PHF19: variants seen among roughly 807,000 people sequenced by gnomAD.
The protein encoded by PHF19 is PHD finger protein 19, also known as polycomb like 3.
In PHF19, 21 loss-of-function variants were observed where a neutral mutation model predicts 79.8. That is an observed-to-expected ratio of 0.26 (90% CI 0.19 to 0.38). PHF19 has a LOEUF of 0.38. PHF19 is among the 10% of genes least tolerant of loss of function. The probability of loss-of-function intolerance (pLI) is 1.00; values close to 1 mark genes in which losing one functional copy is unlikely to be tolerated. For missense variants in PHF19, 445 were observed against 744.2 expected, an observed-to-expected ratio of 0.60 and a Z score of 4.68; for synonymous variants, 273 against 296.3, an observed-to-expected ratio of 0.92 and a Z score of 0.81.
At chr9:120,892,977 A>C (rs1344382961) in intron 1 of PHF19, among the ~76,000 whole-genome samples, 1 of 152,168 alleles carries the variant, frequency 6.6e-6, no homozygotes, top group Non-Finnish European at 1.5e-5. Flanking sequence ...TTTCCTAGCG[A>C]CTGGGACCTT....
chr9:120,871,898 C>T (rs1359944218), intron 3 of PHF19, among the ~76,000 whole-genome samples: 1 of 151,624 alleles, frequency 6.6e-6, no homozygotes, highest in African/African-American at 2.4e-5. Context: ...ATTAGCTAGG[C>T]GTGGTGGCAC....
chr9:120,861,836 G>T (rs934630753), intron 12 of PHF19, 82 bp downstream of exon 12: 6 of 937,068 alleles, frequency 6.4e-6, no homozygotes, highest in Admixed American at 5.1e-5. Context: ...TGGGCCTGGG[G>T]GACTTAGTTT....
intron 1 of PHF19, among the ~76,000 whole-genome samples, chr9:120,884,548 C>A (rs1262619486): frequency 2.0e-5 from 3 of 152,166 alleles, no homozygotes; most frequent in African/African-American, 7.2e-5. Context: ...ACAACAGGGT[C>A]ATTTGTATGA....
chr9:120,879,711 GA>G (rs1287631680), upstream of PHF19, among the ~76,000 whole-genome samples: 17 of 152,212 alleles, frequency 1.1e-4, no homozygotes, highest in Non-Finnish European at 1.5e-5. Flanking sequence ...TCGAATTGAG[GA>G]AAGAGAACAA....
At chr9:120,899,300 C>T (rs1564522995), upstream of PHF19, among the ~76,000 whole-genome samples, 1 of 151,708 alleles carries the variant, frequency 6.6e-6, no homozygotes, top group South Asian at 2.1e-4. Flanking sequence ...AGATCCAGAC[C>T]ATCCTGGCTA....
intron 1 of PHF19, among the ~76,000 whole-genome samples, chr9:120,882,792 A>T (rs2046205239): frequency 6.8e-6 from 1 of 146,630 alleles, no homozygotes; most frequent in Non-Finnish European, 1.5e-5. Context: ...CAGTGAGCCG[A>T]TATTGTGCCA....
Position 120,869,391 on chromosome 9 carries a change from C to G in PHF19, c.466-61G>C. The G allele has an allele frequency of 1.3e-6, 2 of 1,561,660 alleles. No individual in the cohort carries two copies. Among genetic ancestry groups the G allele is most frequent in the South Asian group, 1.2e-5 (1 of 85,508 alleles). On this transcript the variant is annotated intron_variant, in intron 5 of 14. Transcript: ENST00000373896. The surrounding 1 kb of genome is among the most constrained non-coding windows in gnomAD (Gnocchi z 5.8). ...TCCGGGTGGACCACGCGAGTCAGCA[C>G]GCGGCTGTCTATTGAGGGAAGTGCT...
Position 120,870,605 on chromosome 9 carries a change from G to C in PHF19, c.269-67C>G. 2 of 940,916 alleles carry C rather than the reference G, an allele frequency of 2.1e-6. No individual in the cohort carries two copies. Among genetic ancestry groups the C allele is most frequent in the Non-Finnish European group, 1.8e-6 (1 of 569,130 alleles). 58.3% of individuals were successfully genotyped at this position (940,916 alleles called of 1,614,324 possible). A position where few individuals can be genotyped will look rare whatever the true frequency, so the allele number is the denominator to read the frequency against. On this transcript the variant is annotated intron_variant, in intron 3 of 14. Transcript: ENST00000373896. This position sits in a 1 kb window ranked among gnomAD's most constrained non-coding sequence, Gnocchi z 4.4. ...ATGGAAGTTTTATACTCACATTCCA[G>C]ATGCCCAGCCTCTAATGTCTGCTAG...
intron 1 of PHF19, among the ~76,000 whole-genome samples, chr9:120,887,049 G>C (rs2046273170): frequency 6.9e-6 from 1 of 143,924 alleles, no homozygotes; most frequent in African/African-American, 2.6e-5. Context: ...CTAGGTGACA[G>C]AGCCAGACTC....
Position 120,877,098 on chromosome 9 carries a change from C to G in PHF19, c.-23G>C, listed in dbSNP as rs1243513125. The G allele has an allele frequency of 2.0e-6, 2 of 985,192 alleles. No homozygotes were observed. The highest frequency in any genetic ancestry group is 1.7e-5 in the African/African-American group (1 of 57,226). 61.0% of individuals were successfully genotyped at this position (985,192 alleles called of 1,614,324 possible). The stretch of plus-strand genomic sequence containing the variant: ...CAACAGCGCAGAACTCACCGCGAGG[C>G]TGCGTGTCCGCCGGTCCCACTTGGA... On this transcript the variant is annotated 5_prime_UTR_variant, in exon 1 of 15. Transcript: ENST00000373896.
Position 120,874,390 on chromosome 9 carries a change from G to A in PHF19, c.186+166C>T, listed in dbSNP as rs1417790131. ...TTGGATGATGTTGACCCTAGGGATG[G>A]TGCCTGCAAGACCAGGCTCTGGCCC... On this transcript the variant is annotated intron_variant, in intron 2 of 14. Transcript: ENST00000373896. The surrounding 1 kb of genome is among the most constrained non-coding windows in gnomAD (Gnocchi z 4.5). Among the ~76,000 whole-genome samples, 1 of 152,114 alleles carries A rather than the reference G, an allele frequency of 6.6e-6. No individual in the cohort carries two copies. The highest frequency in any genetic ancestry group is 2.1e-4 in the South Asian group (1 of 4,830).
At chr9:120,882,004 C>T (rs1564515334), upstream of PHF19, among the ~76,000 whole-genome samples, 3 of 152,356 alleles carry the variant, frequency 2.0e-5, no homozygotes, top group East Asian at 5.8e-4. Context: ...TCATGATCCA[C>T]CAGCCTTGGC....
At chr9:120,886,760 A>G (rs887084228) in intron 1 of PHF19, among the ~76,000 whole-genome samples, 6 of 152,216 alleles carry the variant, frequency 3.9e-5, no homozygotes, top group African/African-American at 1.4e-4. Flanking sequence ...TGACTAAGCT[A>G]TCATACCTAG....
At chr9:120,864,184 A>G in intron 9 of PHF19, 68 bp from the exon 10 acceptor site, 1 of 1,298,912 alleles carries the variant, frequency 7.7e-7, no homozygotes, top group Non-Finnish European at 1.1e-6. Flanking sequence ...CCAAGCCCCT[A>G]CTCCCTCCCT....
chr9:120,899,526 G>C (rs2046424340), upstream of PHF19, among the ~76,000 whole-genome samples: 1 of 151,896 alleles, frequency 6.6e-6, no homozygotes, highest in Non-Finnish European at 1.5e-5. Flanking sequence ...AAAAGATTCT[G>C]TTATTCTTAC....
intron 1 of PHF19, chr9:120,894,736 C>G (rs2046384713): frequency 8.5e-6 from 9 of 1,059,238 alleles, no homozygotes; most frequent in Admixed American, 8.7e-5. Flanking sequence ...CCGCCCGCGG[C>G]TCCCCAGCCT....
chr9:120,877,361 A>G, upstream of PHF19: 7 of 979,932 alleles, frequency 7.1e-6, no homozygotes, highest in Non-Finnish European at 8.5e-6. Context: ...CGTCCCGCTT[A>G]TGTAATTAGC....
chr9:120,888,228 G>A (rs189036278), intron 1 of PHF19, among the ~76,000 whole-genome samples: 1 of 152,072 alleles, frequency 6.6e-6, no homozygotes, highest in African/African-American at 2.4e-5. Context: ...TGCCCATCTC[G>A]GCCTCCCAAA....
intron 14 of PHF19, among the ~76,000 whole-genome samples, chr9:120,858,566 A>G (rs2045415055): frequency 1.3e-5 from 2 of 152,184 alleles, no homozygotes; most frequent in Non-Finnish European, 2.9e-5. Context: ...AGGGAGTGGC[A>G]GAGCCAGGAT....
Sources: gnomAD v4.1 joint callset for allele counts (sites outside exome capture counted in the v4.1 genomes callset) on GRCh38, gnomAD v4.1.1 for gene constraint, Gnocchi (gnomAD v3.1) non-coding constraint, MANE v1.5 for transcripts, NCBI Gene and HGNC (gene_info 2026-07-23, HGNC 2026-07-21) for gene names.